The following TMEM135 variants were observed in gnomAD, a reference collection of about 807,000 sequenced individuals.
TMEM135 encodes the protein transmembrane protein 135, also known as peroxisomal membrane protein 52.
Under a neutral mutation model 60.3 loss-of-function variants are expected in TMEM135, and 30 were observed. The observed-to-expected ratio is 0.50, with a 90% CI of 0.37 to 0.68. The LOEUF is 0.68. TMEM135 is among the 30% of genes least tolerant of loss of function. The pLI is 0.00. For missense variants in TMEM135, 468 were observed against 548.8 expected, an observed-to-expected ratio of 0.85 and a Z score of 1.47; for synonymous variants, 190 against 186.7, an observed-to-expected ratio of 1.02 and a Z score of -0.14.
chr11:87,068,095 AGTT>A (rs1325673982), intron 2 of TMEM135, among the ~76,000 whole-genome samples: 4 of 152,216 alleles, frequency 2.6e-5, no homozygotes, highest in Non-Finnish European at 5.9e-5. Context: ...ATATTTACCA[AGTT>A]GTTGAATAGG....
intron 6 of TMEM135, among the ~76,000 whole-genome samples, chr11:87,277,921 C>G (rs1308334559): frequency 2.0e-5 from 3 of 152,202 alleles, no homozygotes; most frequent in Non-Finnish European, 2.9e-5. Flanking sequence ...GAGTCAGTCA[C>G]TTTCTAATAG....
At chr11:87,040,085 G>A (rs1949737739) in intron 1 of TMEM135, among the ~76,000 whole-genome samples, 1 of 152,152 alleles carries the variant, frequency 6.6e-6, no homozygotes, top group African/African-American at 2.4e-5. Context: ...GAAAATTTTG[G>A]TTGCTACTCC....
intron 4 of TMEM135, among the ~76,000 whole-genome samples, chr11:87,094,341 T>C (rs888404594): frequency 3.9e-5 from 6 of 152,228 alleles, no homozygotes; most frequent in Non-Finnish European, 8.8e-5. Context: ...TTGTCTCTCA[T>C]TTTCTTCTTA....
chr11:87,299,881 A>G (rs993223170), intron 7 of TMEM135, among the ~76,000 whole-genome samples: 2 of 152,266 alleles, frequency 1.3e-5, no homozygotes, highest in African/African-American at 4.8e-5. Flanking sequence ...ACCCAAATGT[A>G]ATAATAGAAG....
intron 5 of TMEM135, among the ~76,000 whole-genome samples, chr11:87,181,262 A>G: frequency 6.6e-6 from 1 of 152,188 alleles, no homozygotes; most frequent in East Asian, 1.9e-4. Flanking sequence ...AAGAAAGGGC[A>G]ATAGAAATTA....
At chr11:87,126,497 T>A (rs185200919) in intron 4 of TMEM135, among the ~76,000 whole-genome samples, 4 of 151,962 alleles carry the variant, frequency 2.6e-5, no homozygotes, top group African/African-American at 9.6e-5. Context: ...TAGCAAAAAA[T>A]TTAGTATACT....
chr11:87,280,657 C>T (rs1942044873), intron 6 of TMEM135, among the ~76,000 whole-genome samples: 1 of 152,128 alleles, frequency 6.6e-6, no homozygotes, highest in Non-Finnish European at 1.5e-5. Context: ...TATTAAAGTA[C>T]TTTCTATAAT....
chr11:87,043,247 GC>G (rs1484673227), intron 1 of TMEM135, among the ~76,000 whole-genome samples: 1 of 151,826 alleles, frequency 6.6e-6, no homozygotes. Flanking sequence ...GAGCCACTGG[GC>G]CCAGCCTATT....
intron 6 of TMEM135, among the ~76,000 whole-genome samples, chr11:87,257,258 C>T (rs1440354299): frequency 6.6e-6 from 1 of 152,158 alleles, no homozygotes. Context: ...TTAAATTTAA[C>T]TGTTTGCTTT....
At chr11:87,110,507 G>T (rs967829263) in intron 4 of TMEM135, among the ~76,000 whole-genome samples, 15 of 151,690 alleles carry the variant, frequency 9.9e-5, no homozygotes, top group Non-Finnish European at 1.9e-4. Flanking sequence ...ATAGCTTTGT[G>T]ACTATAACTG....
intron 6 of TMEM135, among the ~76,000 whole-genome samples, chr11:87,276,665 A>ATTTTTTTTTTTT (rs11340916): frequency 1.7e-5 from 2 of 115,636 alleles, no homozygotes; most frequent in Non-Finnish European, 3.4e-5. Flanking sequence ...GTGTTTGTGA[A>ATTTTTTTTTTTT]TTTTTTTTTT....
chr11:87,242,655 G>C (rs1293485683), intron 6 of TMEM135, among the ~76,000 whole-genome samples: 1 of 142,564 alleles, frequency 7.0e-6, no homozygotes, highest in Non-Finnish European at 1.5e-5. Context: ...GTCTTCTTTT[G>C]AGAAGTGTCT....
chr11:87,050,343 A>C (rs1949829606), intron 1 of TMEM135, among the ~76,000 whole-genome samples: 1 of 43,454 alleles, frequency 2.3e-5, no homozygotes, highest in Non-Finnish European at 3.5e-5. Context: ...AAATAGAGAC[A>C]CAAAAAACCC....
intron 4 of TMEM135, among the ~76,000 whole-genome samples, chr11:87,125,490 G>A (rs1937701158): frequency 6.6e-6 from 1 of 152,170 alleles, no homozygotes; most frequent in African/African-American, 2.4e-5. Context: ...TGAATAATAA[G>A]TAAACAGGTC....
At chr11:87,122,612 C>A (rs11234976) in intron 4 of TMEM135, among the ~76,000 whole-genome samples, 18,185 of 151,888 alleles carry the variant, frequency 0.12, 1,409 homozygotes, top group African/African-American at 0.21. Context: ...AGGTGCTTGC[C>A]ACCATGCCTA....
In TMEM135 at chr11:87,324,841, C is replaced by G. The variant is rs1037781440; in HGVS notation, c.*3508C>G. On this transcript the variant is annotated 3_prime_UTR_variant, in exon 15 of 15. Transcript: ENST00000305494. ...TACTAAGATATCTTATAAACATTCT[C>G]TCTCCTAACACCTCCTTCTAGTAAT... is the stretch of plus-strand genomic sequence containing the variant. 8.8e-6 allele frequency: 4 copies of G among 453,866 alleles called. No homozygotes were observed. In the Admixed American group the frequency reaches 9.4e-5, roughly 11 times the overall value. 28.1% of individuals were successfully genotyped at this position (453,866 alleles called of 1,614,324 possible).
At chr11:87,133,326 TCA>T (rs1020473971) in intron 4 of TMEM135, among the ~76,000 whole-genome samples, 8 of 152,144 alleles carry the variant, frequency 5.3e-5, no homozygotes, top group Non-Finnish European at 1.0e-4. Flanking sequence ...CACGTAACCA[TCA>T]CCACATACTA....
At chr11:87,174,105 G>C (rs996092332) in intron 5 of TMEM135, among the ~76,000 whole-genome samples, 1 of 152,094 alleles carries the variant, frequency 6.6e-6, no homozygotes, top group African/African-American at 2.4e-5. Context: ...ACTTAGTTTT[G>C]ATAATTGCAA....
At chr11:87,204,403 G>A (rs560691953) in intron 5 of TMEM135, among the ~76,000 whole-genome samples, 12 of 152,028 alleles carry the variant, frequency 7.9e-5, no homozygotes, top group East Asian at 3.9e-4. Flanking sequence ...AAGCAGTTAT[G>A]CAATACAGTT....
Sources: gnomAD v4.1 joint callset for allele counts (sites outside exome capture counted in the v4.1 genomes callset) on GRCh38, gnomAD v4.1.1 for gene constraint, MANE v1.5 for transcripts, NCBI Gene and HGNC (gene_info 2026-07-23, HGNC 2026-07-21) for gene names.